SCARB1: variants seen among roughly 807,000 people sequenced by gnomAD.
SCARB1 encodes the protein scavenger receptor class B member 1.
SCARB1 carries 30 observed loss-of-function variants against 57.2 expected under a neutral mutation model. That is an observed-to-expected ratio of 0.52 (90% CI 0.39 to 0.71). The LOEUF is 0.71. SCARB1 is among the 30% of genes least tolerant of loss of function. The pLI is 0.00. For synonymous variants in SCARB1, 249 were observed against 268.3 expected (o/e 0.93, Z 0.70); for missense variants, 543 against 671.2 (o/e 0.81, Z 2.11).
intron 4 of SCARB1, among the ~76,000 whole-genome samples, chr12:124,813,401 G>C (rs1347786580): frequency 2.0e-5 from 3 of 152,222 alleles, no homozygotes; most frequent in Admixed American, 2.0e-4. Flanking sequence ...AAGGATGGCA[G>C]AGCACAGTAG....
intron 1 of SCARB1, among the ~76,000 whole-genome samples, chr12:124,823,310 C>G (rs1287638383): frequency 1.3e-5 from 2 of 152,198 alleles, no homozygotes; most frequent in African/African-American, 4.8e-5. Flanking sequence ...AAAAGATTAA[C>G]TGCAAATGGG....
rs140213588 is a variant in SCARB1, at chr12:124,837,594, A to AAAAGAAAAGAAAAG, written c.127-19888_127-19887insCTTTTCTTTTCTTT. Among the ~76,000 whole-genome samples the AAAAGAAAAGAAAAG allele has an allele frequency of 9.5e-3, 372 of 39,028 alleles. 22 individuals carry two copies. The East Asian group carries it at 0.14, about 15-fold the overall frequency. 25.6% of individuals were successfully genotyped at this position (39,028 alleles called of 152,430 possible). On this transcript the variant is annotated intron_variant, in intron 1 of 12. Transcript: ENST00000261693. ...AAAAGAAAAGAAAAGAAAAGAAAAGAAAAGTCAGCCAGCTGGGTGCAGTGC... is the reference window on the plus strand; with the variant it reads ...AAAAGAAAAGAAAAGAAAAGAAAAGAAAAGAAAAGAAAAGAAAGTCAGCCAGCTGGGTGCAGTGC...
At chr12:124,797,500 C>T (rs186024272) in intron 8 of SCARB1, among the ~76,000 whole-genome samples, 40 of 152,340 alleles carry the variant, frequency 2.6e-4, no homozygotes, top group Non-Finnish European at 4.7e-4. Context: ...TTCCTCTCCC[C>T]GTCGGCCTCA....
At chr12:124,779,660 A>G (rs1391009312) in intron 12 of SCARB1, among the ~76,000 whole-genome samples, 1 of 152,210 alleles carries the variant, frequency 6.6e-6, no homozygotes, top group Non-Finnish European at 1.5e-5. Context: ...AATACAGATA[A>G]TGCTAATGAT....
chr12:124,777,682 T>C lies in SCARB1; in HGVS notation c.*905A>G, dbSNP rs1463210931. The C allele has an allele frequency of 6.6e-6, 1 of 152,254 alleles. No individual in the cohort carries two copies. Among genetic ancestry groups the C allele is most frequent in the East Asian group, 1.9e-4 (1 of 5,196 alleles). 9.4% of individuals were successfully genotyped at this position (152,254 alleles called of 1,614,324 possible). On this transcript the variant is annotated 3_prime_UTR_variant, in exon 13 of 13. Transcript: ENST00000261693. ...AGAGTGAATTATTTTTCAAAGATGA[T>C]AAAACTCATTTCTATTCCAGTAGAA...
chr12:124,803,711 A>ATT (rs1950220593), intron 7 of SCARB1, among the ~76,000 whole-genome samples: 1 of 146,876 alleles, frequency 6.8e-6, no homozygotes, highest in Admixed American at 6.8e-5. Context: ...AAAAAAAAAA[A>ATT]AAAATTGAAA....
intron 1 of SCARB1, among the ~76,000 whole-genome samples, chr12:124,856,713 C>A (rs978078043): frequency 6.6e-6 from 1 of 152,194 alleles, no homozygotes; most frequent in Non-Finnish European, 1.5e-5. Context: ...CTACAGGAAA[C>A]GCCCGGTAGG....
Position 124,778,511 on chromosome 12 carries a change from G to C in SCARB1, c.*76C>G, listed in dbSNP as rs1872733370. Reference sequence around the variant, plus strand: ...GGCTGTCCGCTGGGAGAGTCCGGGAGAAGCGGGGTGTAGGGGCTGGGGGGC... The same window carrying C: ...GGCTGTCCGCTGGGAGAGTCCGGGACAAGCGGGGTGTAGGGGCTGGGGGGC... On this transcript the variant is annotated 3_prime_UTR_variant, in exon 13 of 13. Transcript: ENST00000261693. 2 of 1,358,842 alleles carry C rather than the reference G, an allele frequency of 1.5e-6. No individual in the cohort carries two copies. The highest frequency in any genetic ancestry group is 1.9e-6 in the Non-Finnish European group (2 of 1,053,796). The allele number at this position is 1,358,842 out of a possible 1,614,324, so 84.2% of individuals were successfully genotyped here. A position where few individuals can be genotyped will look rare whatever the true frequency, so the allele number is the denominator to read the frequency against.
intron 8 of SCARB1, among the ~76,000 whole-genome samples, chr12:124,798,959 GAGTA>G (rs1250611710): frequency 1.3e-5 from 2 of 152,178 alleles, no homozygotes; most frequent in Non-Finnish European, 2.9e-5. Flanking sequence ...TAGACAGGGG[GAGTA>G]AGTTTAGGAG....
intron 1 of SCARB1, among the ~76,000 whole-genome samples, chr12:124,833,763 C>T (rs10846748): frequency 0.39 from 59,326 of 152,076 alleles, 11,976 homozygotes; most frequent in Admixed American, 0.52. Context: ...AAGGTGGACC[C>T]GGCAGGAAGC....
chr12:124,778,736 C>A, intron 12 of SCARB1, 150 bp from the exon 13 acceptor site: 2 of 754,226 alleles, frequency 2.7e-6, no homozygotes, highest in Non-Finnish European at 3.7e-6. Context: ...ACTGGAGTCA[C>A]CTATAGACTC....
At chr12:124,783,653 A>G (rs858155) in intron 11 of SCARB1, 95,162 of 151,724 alleles carry the variant, frequency 0.63, 30,397 homozygotes, top group South Asian at 0.75. Flanking sequence ...TGTAATCCCA[A>G]CTGCTCGGGA....
intron 1 of SCARB1, among the ~76,000 whole-genome samples, chr12:124,827,914 A>G (rs989496008): frequency 4.6e-5 from 7 of 152,056 alleles, no homozygotes; most frequent in African/African-American, 1.7e-4. Flanking sequence ...ATAAACCCAC[A>G]AGGGCAAGAT....
At chr12:124,857,188 A>G (rs1476134151) in intron 1 of SCARB1, among the ~76,000 whole-genome samples, 1 of 151,924 alleles carries the variant, frequency 6.6e-6, no homozygotes, top group East Asian at 1.9e-4. Flanking sequence ...TCCTGATTCA[A>G]CCGCTTGGAG....
In SCARB1 at chr12:124,821,270, G is replaced by A. The variant is rs558664777; in HGVS notation, c.127-3563C>T. The A allele has an allele frequency of 2.4e-3, 1,042 of 426,548 alleles. 2 individuals are homozygous for A. The highest frequency in any genetic ancestry group is 3.0e-3 in the Non-Finnish European group (961 of 320,114). The allele number at this position is 426,548 out of a possible 1,614,324, so 26.4% of individuals were successfully genotyped here. On this transcript the variant is annotated intron_variant, in intron 1 of 12. Coordinates refer to ENST00000261693, the MANE Select transcript of SCARB1 (RefSeq NM_005505.5). ...CACACACACACACACGCACACACACGCGCACACACACACACGCAGCCTCAA... is the reference window on the plus strand; with the variant it reads ...CACACACACACACACGCACACACACACGCACACACACACACGCAGCCTCAA...
intron 1 of SCARB1, among the ~76,000 whole-genome samples, chr12:124,843,389 A>G (rs1001863318): frequency 2.4e-4 from 37 of 151,900 alleles, no homozygotes; most frequent in African/African-American, 9.0e-4. Context: ...GATTACAGGC[A>G]TGAGCCACTG....
chr12:124,834,599 G>A (rs987434304), intron 1 of SCARB1, among the ~76,000 whole-genome samples: 35 of 152,194 alleles, frequency 2.3e-4, no homozygotes, highest in African/African-American at 8.2e-4. Context: ...TACCTGTTCG[G>A]GCAGTGGTTC....
chr12:124,852,723 G>A (rs1483915270), intron 1 of SCARB1, among the ~76,000 whole-genome samples: 1 of 152,250 alleles, frequency 6.6e-6, no homozygotes, highest in African/African-American at 2.4e-5. Flanking sequence ...GGCTCAGAAG[G>A]GAATAGCATG....
intron 6 of SCARB1, among the ~76,000 whole-genome samples, chr12:124,808,323 TAAAAAA>T (rs1566174925): frequency 6.6e-6 from 1 of 152,086 alleles, no homozygotes; most frequent in African/African-American, 2.4e-5. Flanking sequence ...GTTATGAAAT[TAAAAAA>T]AGAACAGAAT....
Sources: allele counts gnomAD v4.1 joint callset (sites outside exome capture counted in the v4.1 genomes callset), GRCh38; gene constraint gnomAD v4.1.1; transcripts MANE v1.5; gene names NCBI Gene and HGNC (gene_info 2026-07-23, HGNC 2026-07-21).